Variants in KIF20A observed in about 807,000 individuals in gnomAD.
KIF20A encodes kinesin family member 20A.
Under a neutral mutation model 113.0 loss-of-function variants are expected in KIF20A, and 66 were observed. The ratio of observed to expected loss-of-function variants is 0.58; its 90% CI spans 0.48 to 0.72. The LOEUF is 0.72. Among genes scored for constraint, KIF20A ranks in the 30% least tolerant of loss-of-function variants. The probability of loss-of-function intolerance (pLI) is 0.00; values close to 1 mark genes in which losing one functional copy is unlikely to be tolerated. For synonymous variants in KIF20A, 376 were observed against 402.3 expected (o/e 0.93, Z 0.78); for missense variants, 927 against 1,077.6 (o/e 0.86, Z 1.96).
chr5:138,183,144 C>T lies in KIF20A; in HGVS notation c.833-25C>T. On this transcript the variant is annotated intron_variant, in intron 7 of 18. Transcript: ENST00000394894. This position sits in a 1 kb window ranked among gnomAD's most constrained non-coding sequence, Gnocchi z 5.2. ...AGAGGTGAACTGCTCTAGGTTGATG[C>T]CCTATACATTGGCTTCTTCTCCAGA... The T allele has an allele frequency of 6.2e-7, 1 of 1,611,686 alleles. No homozygotes were observed. The highest frequency in any genetic ancestry group is 2.2e-5 in the East Asian group (1 of 44,886).
At position 138,182,350 on chromosome 5, in the gene KIF20A, T is replaced by C. The variant is rs1267427524; in HGVS notation, c.403T>C (p.Ser135Pro). The C allele has an allele frequency of 6.2e-7, 1 of 1,613,926 alleles. No homozygotes were observed. The highest frequency in any genetic ancestry group is 8.5e-7 in the Non-Finnish European group (1 of 1,179,988). Residue 135 changes from serine to proline, a missense_variant, in exon 5 of 19, where the codon TCC (serine) becomes CCC (proline). Coordinates refer to ENST00000394894, the MANE Select transcript of KIF20A (RefSeq NM_005733.3). The part of the protein sequence containing the change: ...QIFGPEVGQA[S>P]FFNLTVKEMV... Reference sequence around the variant, plus strand: ...CTTTGGGCCAGAAGTGGGACAGGCATCCTTCTTCAACCTAACTGTGAAGGA... The same window carrying C: ...CTTTGGGCCAGAAGTGGGACAGGCACCCTTCTTCAACCTAACTGTGAAGGA...
At chr5:138,186,247 C>A in intron 17 of KIF20A, 47 bp from the exon 18 acceptor site, 4 of 1,571,016 alleles carry the variant, frequency 2.5e-6, no homozygotes, top group Non-Finnish European at 3.4e-6. Context: ...AGATCATTAT[C>A]CTGGTTGCTC....
chr5:138,185,985 T>C lies in KIF20A; in HGVS notation c.2150T>C (p.Leu717Ser). ...TEELHKYQKM[L>S]EPPPSAKPFT... ...GAGTTGCATAAGTATCAGAAAATGT[T>C]AGAACCACCACCCTCAGCCAAGCCC... Residue 717 changes from leucine (L) to serine (S), a missense_variant, in exon 17 of 19, where the codon TTA becomes TCA. Physicochemically the swap from Leu to Ser is moderately radical, Grantham distance 145 (BLOSUM62 -2). Transcript: ENST00000394894. The C allele has an allele frequency of 6.2e-7, 1 of 1,614,096 alleles. No individual in the cohort carries two copies. The highest frequency in any genetic ancestry group is 8.5e-7 in the Non-Finnish European group (1 of 1,179,992).
chr5:138,180,600 C>T (rs1754644482), intron 2 of KIF20A, among the ~76,000 whole-genome samples: 1 of 152,188 alleles, frequency 6.6e-6, no homozygotes, highest in Admixed American at 6.5e-5. Context: ...GATGATGTCT[C>T]TCACTATGGA....
intron 16 of KIF20A, 52 bp downstream of exon 16, chr5:138,185,762 T>A (rs1319873083): frequency 1.3e-6 from 2 of 1,586,608 alleles, no homozygotes; most frequent in Non-Finnish European, 1.7e-6. Flanking sequence ...GAAGAGCTGT[T>A]ACTTAAACCC....
chr5:138,185,734 A>T (rs1300326640), intron 16 of KIF20A, 24 bp downstream of exon 16: 4 of 1,611,202 alleles, frequency 2.5e-6, no homozygotes, highest in South Asian at 1.1e-5. Flanking sequence ...CAGGCAGGAA[A>T]CATAACAGTG....
intron 11 of KIF20A, 33 bp from the exon 12 acceptor site, chr5:138,184,206 C>T (rs1222349074): frequency 1.9e-6 from 3 of 1,612,244 alleles, no homozygotes; most frequent in Non-Finnish European, 2.5e-6. Flanking sequence ...TGGTGTTCTG[C>T]TCACAGCTCT....
chr5:138,179,945 G>T, intron 2 of KIF20A, 100 bp downstream of exon 2: 1 of 1,220,376 alleles, frequency 8.2e-7, no homozygotes, highest in Non-Finnish European at 1.1e-6. Context: ...AATCCTAAAG[G>T]TCTGAGATCA....
At position 138,182,894 on chromosome 5, in the gene KIF20A, T is replaced by C; in HGVS notation, c.736T>C (p.Tyr246His). ...ELSTSLKRSVYIESRIGTSTS... is the reference protein window; with the variant it reads ...ELSTSLKRSVHIESRIGTSTS... Reference sequence around the variant, plus strand: ...GTCCACTTCCTTGAAGAGGAGTGTCTACATCGAAAGTCGGATAGGTACCAG... The same window carrying C: ...GTCCACTTCCTTGAAGAGGAGTGTCCACATCGAAAGTCGGATAGGTACCAG... Residue 246 changes from tyrosine (Y) to histidine (H), a missense_variant, in exon 7 of 19, where the codon TAC (tyrosine) becomes CAC (histidine). Physicochemically the swap from Tyr to His is moderately conservative, Grantham distance 83. Transcript: ENST00000394894. The C allele has an allele frequency of 6.2e-7, 1 of 1,614,196 alleles. No individual in the cohort carries two copies. Among genetic ancestry groups the C allele is most frequent in the Non-Finnish European group, 8.5e-7 (1 of 1,180,022 alleles).
rs1406835062 is a variant in KIF20A, at chr5:138,184,982, G to A, written c.1823+36G>A. The A allele has an allele frequency of 1.9e-6, 3 of 1,610,900 alleles. No individual in the cohort carries two copies. In the South Asian group the frequency reaches 3.3e-5, roughly 18 times the overall value. ...AGTGACCCCTCTTGCTCTGTCACCTGAGACAGAGGGTGGGAAGTAAGGAGT... is the reference window on the plus strand; with the variant it reads ...AGTGACCCCTCTTGCTCTGTCACCTAAGACAGAGGGTGGGAAGTAAGGAGT... On this transcript the variant is annotated intron_variant, in intron 14 of 18. Transcript: ENST00000394894.
rs116046687 is a variant in KIF20A, at chr5:138,179,703, C to T, written c.23C>T (p.Pro8Leu). 53 of 1,614,108 alleles carry T rather than the reference C, an allele frequency of 3.3e-5. No individual in the cohort carries two copies. The African/African-American group carries it at 6.4e-4, about 19-fold the overall frequency. ...GTCATGTCGCAAGGGATCCTTTCTC[C>T]GCCAGCGGGCTTGCTGTCCGATGAC... MSQGILS[P>L]PAGLLSDDDV... is the part of the protein sequence containing the mutation. The change falls in exon 2 of 19, where the codon CCG becomes CTG. Residue 8 changes from proline (P) to leucine (L), a missense_variant. Physicochemically the swap from Pro to Leu is moderately conservative, Grantham distance 98. Coordinates refer to ENST00000394894, the MANE Select transcript of KIF20A (RefSeq NM_005733.3).
intron 2 of KIF20A, among the ~76,000 whole-genome samples, chr5:138,180,684 T>TTTTG (rs200541141): frequency 0.024 from 3,695 of 152,242 alleles, 111 homozygotes; most frequent in African/African-American, 0.074. Flanking sequence ...TTTTGGGTTT[T>TTTTG]TTTGTTTTCG....
chr5:138,185,099 C>T lies in KIF20A; in HGVS notation c.1828C>T (p.His610Tyr), dbSNP rs201005105. 70 of 1,612,398 alleles carry T rather than the reference C, an allele frequency of 4.3e-5. No individual in the cohort carries two copies. In the East Asian group the frequency reaches 1.6e-3, roughly 36 times the overall value. ...TTTCTCCTCTGTTTCTGACAGTGAACATTTGGACACCCAAAAGGAACTATT... is the reference window on the plus strand; with the variant it reads ...TTTCTCCTCTGTTTCTGACAGTGAATATTTGGACACCCAAAAGGAACTATT... Reference protein sequence around the residue: ...MQQREQWCSEHLDTQKELLEE... With the variant: ...MQQREQWCSEYLDTQKELLEE... The change falls in exon 15 of 19, where the codon CAT becomes TAT. Residue 610 changes from histidine to tyrosine, a missense_variant. His to Tyr is a moderately conservative substitution (Grantham distance 83). Transcript: ENST00000394894.
In KIF20A at chr5:138,184,622, A is replaced by G. The variant is rs748914327; in HGVS notation, c.1629A>G (p.Thr543=). The change falls in exon 13 of 19, where the codon ACA becomes ACG. Residue 543 remains threonine (T), a synonymous_variant. Transcript: ENST00000394894. ...PSLEKGAKAD[T]GLDDDIENEA... The stretch of plus-strand genomic sequence containing the variant: ...TAGAGAAAGGGGCTAAGGCAGACAC[A>G]GGCCTTGATGATGATATTGAAAATG... 1.2e-6 allele frequency: 2 copies of G among 1,614,182 alleles called. No individual in the cohort carries two copies. Among genetic ancestry groups the G allele is most frequent in the Non-Finnish European group, 1.7e-6 (2 of 1,180,000 alleles).
At position 138,185,530 on chromosome 5, in the gene KIF20A, G is replaced by T. The variant is rs753228017; in HGVS notation, c.1945G>T (p.Glu649Ter). Residue 649 changes from glutamate (E) to a stop codon, truncating the protein, a stop_gained, in exon 16 of 19, where the codon GAA becomes TAA. Coordinates refer to ENST00000394894, the MANE Select transcript of KIF20A (RefSeq NM_005733.3). LOFTEE classifies it high-confidence loss of function. ...CTCTTAGGAGCGGGATGAAAAGATT[G>T]AAGAGCTAGAAGCTCTCTTGCAGGA... is the stretch of plus-strand genomic sequence containing the variant. ...EEIQERDEKI[E>*]ELEALLQEAR... The T allele has an allele frequency of 6.2e-7, 1 of 1,613,534 alleles. No individual in the cohort carries two copies. Among genetic ancestry groups the T allele is most frequent in the Non-Finnish European group, 8.5e-7 (1 of 1,179,990 alleles).
At chr5:138,186,678 A>G (rs376143697) in intron 18 of KIF20A, among the ~76,000 whole-genome samples, 64 of 152,340 alleles carry the variant, frequency 4.2e-4, no homozygotes, top group African/African-American at 1.5e-3. Flanking sequence ...GTCATATTTC[A>G]TCTAAGATGC....
At chr5:138,184,719 C>A (rs961979712) in intron 13 of KIF20A, 43 bp downstream of exon 13, 8 of 1,610,504 alleles carry the variant, frequency 5.0e-6, no homozygotes, top group Non-Finnish European at 5.1e-6. Context: ...TTAGTAGCTA[C>A]ACATTTTTCC....
In KIF20A at chr5:138,183,598, A is replaced by T. The variant is rs767791665; in HGVS notation, c.1139+17A>T. On this transcript the variant is annotated intron_variant, in intron 9 of 18. Coordinates refer to ENST00000394894, the MANE Select transcript of KIF20A (RefSeq NM_005733.3). This position sits in a 1 kb window ranked among gnomAD's most constrained non-coding sequence, Gnocchi z 5.2. The stretch of plus-strand genomic sequence containing the variant: ...CAGCCGCAGGTGAGTAGATTGTAAG[A>T]ATAAACTCTTCACTGTGTTCCAGGA... 2 of 1,611,646 alleles carry T rather than the reference A, an allele frequency of 1.2e-6. No individual in the cohort carries two copies. Among genetic ancestry groups the T allele is most frequent in the East Asian group, 4.5e-5 (2 of 44,862 alleles).
rs1339102193 is a variant in KIF20A at position 138,185,545 on chromosome 5, C to G, written c.1960C>G (p.Leu654Val). ...RDEKIEELEALLQEARQQSVA... is the reference protein window; with the variant it reads ...RDEKIEELEAVLQEARQQSVA... ...TGAAAAGATTGAAGAGCTAGAAGCT[C>G]TCTTGCAGGAAGCCAGACAACAGTC... The change falls in exon 16 of 19, where the codon CTC (leucine) becomes GTC (valine). Residue 654 changes from leucine to valine, a missense_variant. Leu to Val is a conservative substitution (Grantham distance 32). Transcript: ENST00000394894. 1 of 1,613,892 alleles carries G rather than the reference C, an allele frequency of 6.2e-7. No individual in the cohort carries two copies. The highest frequency in any genetic ancestry group is 1.7e-5 in the Admixed American group (1 of 60,022).
Sources: allele counts gnomAD v4.1 joint callset (sites outside exome capture counted in the v4.1 genomes callset), GRCh38; gene constraint gnomAD v4.1.1; non-coding constraint Gnocchi (gnomAD v3.1); transcripts MANE v1.5; gene names NCBI Gene and HGNC (gene_info 2026-07-23, HGNC 2026-07-21).